The following CATSPERE variants were observed in gnomAD, a reference collection of about 807,000 sequenced individuals.
The protein encoded by CATSPERE is catsper channel auxiliary subunit epsilon.
Under a neutral mutation model 114.1 loss-of-function variants are expected in CATSPERE, and 93 were observed. The ratio of observed to expected loss-of-function variants is 0.81; its 90% CI spans 0.69 to 0.97. The LOEUF (loss-of-function observed/expected upper bound fraction) is 0.97, where lower values mean the gene tolerates loss of function less well. Ranked by LOEUF, CATSPERE falls within the 50% of genes least tolerant of loss-of-function variation. CATSPERE has a pLI of 0.00. For missense variants in CATSPERE, 1,058 were observed against 1,131.6 expected, an observed-to-expected ratio of 0.93 and a Z score of 0.93; for synonymous variants, 341 against 384.1, an observed-to-expected ratio of 0.89 and a Z score of 1.31.
At chr1:244,596,920 C>G (rs1668516178) in intron 17 of CATSPERE, among the ~76,000 whole-genome samples, 1 of 152,130 alleles carries the variant, frequency 6.6e-6, no homozygotes, top group African/African-American at 2.4e-5. Flanking sequence ...AAACTTCCAC[C>G]ACCATACCTG....
intron 5 of CATSPERE, among the ~76,000 whole-genome samples, chr1:244,490,243 T>C (rs1671795064): frequency 6.6e-6 from 1 of 152,222 alleles, no homozygotes; most frequent in Admixed American, 6.5e-5. Flanking sequence ...CCTTCTGTGA[T>C]GACAAATGAG....
chr1:244,523,357 A>G lies in CATSPERE; in HGVS notation c.536+4659A>G, dbSNP rs555600833. Among the ~76,000 whole-genome samples, 6 of 144,592 alleles carry G rather than the reference A, an allele frequency of 4.1e-5. No homozygotes were observed. In the South Asian group the frequency reaches 8.4e-4, roughly 20 times the overall value. 94.9% of individuals were successfully genotyped at this position (144,592 alleles called of 152,430 possible). ...TATCTCAAAATAATAAGAGCTATCT[A>G]TGACAAAGCCACAGCCAATATCATA... is the stretch of plus-strand genomic sequence containing the variant. On this transcript the variant is annotated intron_variant, in intron 8 of 21. Transcript: ENST00000366534.
chr1:244,472,011 G>T (rs1030823275), intron 2 of CATSPERE, among the ~76,000 whole-genome samples: 1 of 152,140 alleles, frequency 6.6e-6, no homozygotes, highest in Non-Finnish European at 1.5e-5. Context: ...CTAGCGTGGT[G>T]TGTGTGGCAC....
intron 7 of CATSPERE, chr1:244,515,285 G>T (rs2148347158): frequency 1.0e-6 from 1 of 970,906 alleles, no homozygotes; most frequent in Non-Finnish European, 1.2e-6. Flanking sequence ...AGAATTCCCT[G>T]ATCACAGCTG....
chr1:244,543,504 G>A (rs1480039033), intron 8 of CATSPERE, among the ~76,000 whole-genome samples: 4 of 151,826 alleles, frequency 2.6e-5, no homozygotes, highest in African/African-American at 9.7e-5. Context: ...TGAAAAGGAG[G>A]AAGTATTAAT....
chr1:244,478,940 A>G (rs918827152), intron 4 of CATSPERE, among the ~76,000 whole-genome samples: 7 of 146,762 alleles, frequency 4.8e-5, no homozygotes, highest in Non-Finnish European at 7.5e-5. Flanking sequence ...AGGCAGGAGA[A>G]TCGCTCGAAC....
chr1:244,528,271 A>C (rs1318451169), intron 8 of CATSPERE, among the ~76,000 whole-genome samples: 2 of 152,200 alleles, frequency 1.3e-5, no homozygotes, highest in African/African-American at 4.8e-5. Flanking sequence ...TTCCAGCTCC[A>C]TCCATACCCC....
intron 20 of CATSPERE, among the ~76,000 whole-genome samples, chr1:244,627,042 G>A (rs1673286147): frequency 6.6e-6 from 1 of 152,182 alleles, no homozygotes; most frequent in Non-Finnish European, 1.5e-5. Context: ...TTGATTTAGA[G>A]TGAGAGACAT....
chr1:244,491,194 A>G (rs566388551), intron 6 of CATSPERE, among the ~76,000 whole-genome samples: 81 of 152,250 alleles, frequency 5.3e-4, no homozygotes, highest in African/African-American at 1.9e-3. Flanking sequence ...CATACTTGGA[A>G]GTAAAGCTCT....
chr1:244,605,291 C>T (rs984744017), intron 17 of CATSPERE, among the ~76,000 whole-genome samples: 2 of 152,184 alleles, frequency 1.3e-5, no homozygotes, highest in South Asian at 2.1e-4. Context: ...CACATCCTTC[C>T]GTCTTTCTCC....
chr1:244,621,214 T>TAAATATATCTATATAG (rs56940000), intron 20 of CATSPERE, among the ~76,000 whole-genome samples: 25 of 20,884 alleles, frequency 1.2e-3, no homozygotes, highest in Non-Finnish European at 1.6e-3. Context: ...TATATTTATA[T>TAAATATATCTATATAG]ATATATTTAT....
At chr1:244,566,343 C>T (rs1013981765) in intron 10 of CATSPERE, among the ~76,000 whole-genome samples, 1 of 152,124 alleles carries the variant, frequency 6.6e-6, no homozygotes, top group Non-Finnish European at 1.5e-5. Flanking sequence ...ATTAGGTCCG[C>T]TTGGTCCAGG....
intron 2 of CATSPERE, among the ~76,000 whole-genome samples, chr1:244,467,034 G>A (rs545531084): frequency 6.6e-6 from 1 of 152,186 alleles, no homozygotes; most frequent in African/African-American, 2.4e-5. Context: ...GAGTTATGCA[G>A]GAATGAATGA....
chr1:244,515,024 T>A (rs1676396606), intron 7 of CATSPERE, among the ~76,000 whole-genome samples: 1 of 152,176 alleles, frequency 6.6e-6, no homozygotes, highest in African/African-American at 2.4e-5. Context: ...AGTTTTGAAA[T>A]AAAATAATTT....
intron 5 of CATSPERE, among the ~76,000 whole-genome samples, chr1:244,481,833 G>T (rs532542288): frequency 6.6e-6 from 1 of 152,296 alleles, no homozygotes; most frequent in African/African-American, 2.4e-5. Context: ...GGACTTTGCA[G>T]CCTCCAGAAC....
At chr1:244,474,037 T>C (rs1668883488) in intron 2 of CATSPERE, among the ~76,000 whole-genome samples, 1 of 152,062 alleles carries the variant, frequency 6.6e-6, no homozygotes, top group African/African-American at 2.4e-5. Context: ...TTTTTTGCTT[T>C]TTTTTTGTTT....
At chr1:244,564,710 T>C (rs1213758876) in intron 10 of CATSPERE, among the ~76,000 whole-genome samples, 1 of 152,186 alleles carries the variant, frequency 6.6e-6, no homozygotes, top group African/African-American at 2.4e-5. Context: ...CAATTTGACT[T>C]CCTCTCTTCC....
intron 5 of CATSPERE, among the ~76,000 whole-genome samples, chr1:244,482,111 G>C (rs1265546004): frequency 6.6e-6 from 1 of 152,124 alleles, no homozygotes. Context: ...GGGGCTAAGA[G>C]TTTTTCTGTA....
rs746462117 is a variant in CATSPERE at position 244,477,965 on chromosome 1, T to C, written c.248T>C (p.Val83Ala). The C allele has an allele frequency of 6.3e-7, 1 of 1,598,068 alleles. No homozygotes were observed. The highest frequency in any genetic ancestry group is 8.6e-7 in the Non-Finnish European group (1 of 1,166,480). ...SPGVHAIKPIVTGPDEEERYL... is the reference protein window; with the variant it reads ...SPGVHAIKPIATGPDEEERYL... ...GGTGTTCACGCTATAAAACCAATTG[T>C]TACTGGCCCAGTAAGTTGTTTTAAT... The change falls in exon 4 of 22, where the codon GTT becomes GCT. Residue 83 changes from valine to alanine, a missense_variant. Physicochemically the swap from Val to Ala is moderately conservative, Grantham distance 64. Transcript: ENST00000366534.
Sources: allele counts gnomAD v4.1 joint callset (sites outside exome capture counted in the v4.1 genomes callset), GRCh38; gene constraint gnomAD v4.1.1; transcripts MANE v1.5; gene names NCBI Gene and HGNC (gene_info 2026-07-23, HGNC 2026-07-21).